TUBB6: variants seen among roughly 807,000 people sequenced by gnomAD.
The protein encoded by TUBB6 is tubulin beta-6 chain.
Under a neutral mutation model 32.3 loss-of-function variants are expected in TUBB6, and 18 were observed. The ratio of observed to expected loss-of-function variants is 0.56; its 90% CI spans 0.39 to 0.83. TUBB6 has a LOEUF of 0.83. Among genes scored for constraint, TUBB6 ranks in the 40% least tolerant of loss-of-function variants. The probability of loss-of-function intolerance (pLI) is 0.00; values close to 1 mark genes in which losing one functional copy is unlikely to be tolerated. For missense variants in TUBB6, 480 were observed against 632.0 expected (o/e 0.76, Z 2.58); for synonymous variants, 280 against 265.8 (o/e 1.05, Z -0.52).
At chr18:12,315,339 T>G (rs1287462558) in intron 3 of TUBB6, among the ~76,000 whole-genome samples, 1 of 152,230 alleles carries the variant, frequency 6.6e-6, no homozygotes, top group African/African-American at 2.4e-5. Context: ...TGTCTGTTTC[T>G]CACTTTGATT....
intron 3 of TUBB6, among the ~76,000 whole-genome samples, chr18:12,318,809 G>A (rs1277908507): frequency 6.6e-6 from 1 of 152,078 alleles, no homozygotes; most frequent in Non-Finnish European, 1.5e-5. Context: ...CCAGGCTGGA[G>A]TGCAGTGGTG....
chr18:12,313,538 TA>T (rs1906508720), intron 3 of TUBB6, among the ~76,000 whole-genome samples: 1 of 152,262 alleles, frequency 6.6e-6, no homozygotes, highest in African/African-American at 2.4e-5. Context: ...TGAATCACAT[TA>T]AAAGCAATAA....
At position 12,326,085 on chromosome 18, in the gene TUBB6, C is replaced by G. The variant is rs1379827700; in HGVS notation, c.1296C>G (p.Asp432Glu). The G allele has an allele frequency of 6.2e-7, 1 of 1,613,964 alleles. No homozygotes were observed. The highest frequency in any genetic ancestry group is 1.1e-5 in the South Asian group (1 of 91,084). ...YQQYQDATANDGEEAFEDEEE... is the reference protein window; with the variant it reads ...YQQYQDATANEGEEAFEDEEE... ...AGTACCAGGATGCCACCGCCAATGA[C>G]GGGGAGGAAGCTTTTGAGGATGAGG... Residue 432 changes from aspartate to glutamate, a missense_variant, in exon 4 of 4, where the codon GAC becomes GAG. Transcript: ENST00000317702.
intron 1 of TUBB6, 93 bp downstream of exon 1, chr18:12,308,442 T>C (rs1257229899): frequency 1.1e-5 from 12 of 1,051,396 alleles, no homozygotes; most frequent in Middle Eastern, 3.5e-4. Context: ...GCGCACCCGC[T>C]GTGCGCCCCT....
upstream of TUBB6, chr18:12,308,111 C>A: frequency 5.3e-6 from 1 of 187,788 alleles, no homozygotes; most frequent in South Asian, 1.6e-4. Context: ...GCGCGTCCTC[C>A]CTCGGCTGCT....
intron 1 of TUBB6, 142 bp from the exon 2 acceptor site, chr18:12,308,545 A>C: frequency 2.7e-6 from 2 of 750,138 alleles, no homozygotes; most frequent in East Asian, 2.9e-5. Flanking sequence ...TTCGCTCCCC[A>C]CCCCCATCCC....
At chr18:12,311,941 C>T (rs1032821535) in intron 3 of TUBB6, among the ~76,000 whole-genome samples, 6 of 152,078 alleles carry the variant, frequency 3.9e-5, no homozygotes, top group African/African-American at 1.4e-4. Flanking sequence ...AAAAAAATTC[C>T]TCACTCAATC....
chr18:12,310,554 C>T (rs1906319904), intron 2 of TUBB6, among the ~76,000 whole-genome samples: 2 of 151,714 alleles, frequency 1.3e-5, no homozygotes, highest in South Asian at 4.2e-4. Context: ...TGGCTCACTG[C>T]AGTCTTGACC....
At chr18:12,320,139 G>T (rs1056517425) in intron 3 of TUBB6, among the ~76,000 whole-genome samples, 2 of 151,900 alleles carry the variant, frequency 1.3e-5, no homozygotes, top group African/African-American at 4.8e-5. Context: ...GAGGCAGGAG[G>T]ATCCCTTGAG....
rs1304030674 is a variant in TUBB6 at position 12,311,054 on chromosome 18, G to A, written c.277+1G>A. The A allele has an allele frequency of 1.2e-6, 2 of 1,609,596 alleles. No homozygotes were observed. The highest frequency in any genetic ancestry group is 1.7e-6 in the Non-Finnish European group (2 of 1,177,002). The stretch of plus-strand genomic sequence containing the variant: ...TTCCGGCCTGACAACTTCATCTTTG[G>A]TAGGTTCCATCTTTCTCACTTTCTT... On this transcript the variant is annotated splice_donor_variant, in intron 3 of 3. Transcript: ENST00000317702. LOFTEE classifies it high-confidence loss of function.
At chr18:12,326,889 C>T (rs1215482792), downstream of TUBB6, among the ~76,000 whole-genome samples, 1 of 152,252 alleles carries the variant, frequency 6.6e-6, no homozygotes, top group East Asian at 1.9e-4. Flanking sequence ...CCCAAAAGGC[C>T]TCCGGACAAA....
intron 3 of TUBB6, among the ~76,000 whole-genome samples, chr18:12,314,069 A>G (rs530132137): frequency 1.1e-3 from 172 of 152,356 alleles, no homozygotes; most frequent in Non-Finnish European, 2.0e-3. Context: ...CTCAGCAGCC[A>G]CAGCTTCTTT....
At chr18:12,310,527 G>A (rs1275038719) in intron 2 of TUBB6, among the ~76,000 whole-genome samples, 3 of 150,696 alleles carry the variant, frequency 2.0e-5, no homozygotes, top group Non-Finnish European at 4.4e-5. Flanking sequence ...TCACTCTGGA[G>A]TACAGTGGCA....
At chr18:12,317,985 G>A (rs1906761675) in intron 3 of TUBB6, among the ~76,000 whole-genome samples, 2 of 152,196 alleles carry the variant, frequency 1.3e-5, no homozygotes, top group African/African-American at 4.8e-5. Flanking sequence ...GGTAAATGGT[G>A]TGAGCTGCAG....
upstream of TUBB6, chr18:12,308,150 G>A (rs1024888109): frequency 8.9e-6 from 3 of 337,730 alleles, no homozygotes; most frequent in African/African-American, 4.5e-5. Context: ...TCGAGCGGGG[G>A]CGGCGGGGCG....
chr18:12,312,343 G>A (rs1906428223), intron 3 of TUBB6, among the ~76,000 whole-genome samples: 1 of 150,648 alleles, frequency 6.6e-6, no homozygotes, highest in Non-Finnish European at 1.5e-5. Context: ...TTGTGACCAA[G>A]TAAGACTGAG....
chr18:12,324,920 A>T, intron 3 of TUBB6, 147 bp from the exon 4 acceptor site: 1 of 1,483,586 alleles, frequency 6.7e-7, no homozygotes, highest in East Asian at 2.3e-5. Context: ...GCTCAGCTGC[A>T]CCGTTGGTGG....
At chr18:12,324,859 A>G (rs768202665) in intron 3 of TUBB6, 2 of 1,392,262 alleles carry the variant, frequency 1.4e-6, no homozygotes, top group Non-Finnish European at 1.9e-6. Context: ...ATACATCTTT[A>G]AAATTGACCA....
chr18:12,308,241 A>C lies in TUBB6; in HGVS notation c.-52A>C. 7.6e-7 allele frequency: 1 copy of C among 1,323,354 alleles called. No individual in the cohort carries two copies. Among genetic ancestry groups the C allele is most frequent in the Non-Finnish European group, 9.8e-7 (1 of 1,024,366 alleles). The allele number at this position is 1,323,354 out of a possible 1,614,324, so 82.0% of individuals were successfully genotyped here. ...CCCGGGACGCGCGCAGCCGGCCCGCAGTTGCCGCTGTCGTCCGCAGAGCCA... is the reference window on the plus strand; with the variant it reads ...CCCGGGACGCGCGCAGCCGGCCCGCCGTTGCCGCTGTCGTCCGCAGAGCCA... On this transcript the variant is annotated 5_prime_UTR_variant, in exon 1 of 4. Transcript: ENST00000317702.
Sources: gnomAD v4.1 joint callset for allele counts (sites outside exome capture counted in the v4.1 genomes callset) on GRCh38, gnomAD v4.1.1 for gene constraint, MANE v1.5 for transcripts, NCBI Gene and HGNC (gene_info 2026-07-23, HGNC 2026-07-21) for gene names.